PTPRK: variants seen among roughly 807,000 people sequenced by gnomAD.
The protein encoded by PTPRK is receptor-type tyrosine-protein phosphatase kappa.
In PTPRK, 75 loss-of-function variants were observed where a neutral mutation model predicts 178.0. The ratio of observed to expected loss-of-function variants is 0.42; its 90% CI spans 0.35 to 0.51. The LOEUF is 0.51. PTPRK is among the 20% of genes least tolerant of loss of function. PTPRK has a pLI of 0.02. For synonymous variants in PTPRK, 637 were observed against 620.6 expected (o/e 1.03, Z -0.39); for missense variants, 1,441 against 1,797.8 (o/e 0.80, Z 3.59).
intron 2 of PTPRK, among the ~76,000 whole-genome samples, chr6:128,384,366 A>C (rs954840163): frequency 6.8e-6 from 1 of 146,558 alleles, no homozygotes; most frequent in Non-Finnish European, 1.5e-5. Flanking sequence ...CAATACAAAG[A>C]TTTTTGGACA....
At chr6:128,008,335 T>A (rs964649485) in intron 14 of PTPRK, among the ~76,000 whole-genome samples, 9 of 21,428 alleles carry the variant, frequency 4.2e-4, no homozygotes, top group African/African-American at 7.6e-4. Context: ...CTTATAAATA[T>A]TTTTTTTAAA....
chr6:128,362,242 G>C (rs930294510), intron 2 of PTPRK, among the ~76,000 whole-genome samples: 1 of 152,102 alleles, frequency 6.6e-6, no homozygotes, highest in Admixed American at 6.6e-5. Flanking sequence ...GGGAGCAAGG[G>C]AGGAAGGAGG....
chr6:128,292,857 G>C (rs1323171588), intron 3 of PTPRK, among the ~76,000 whole-genome samples: 1 of 151,756 alleles, frequency 6.6e-6, no homozygotes, highest in Non-Finnish European at 1.5e-5. Flanking sequence ...CAACAGCTGT[G>C]GGTAATTTAT....
intron 13 of PTPRK, among the ~76,000 whole-genome samples, chr6:128,064,063 A>T (rs376236383): frequency 7.7e-4 from 117 of 152,336 alleles, no homozygotes; most frequent in African/African-American, 2.6e-3. Flanking sequence ...GTAGCAATTT[A>T]TTCTTTGTTG....
intron 3 of PTPRK, among the ~76,000 whole-genome samples, chr6:128,281,951 A>G (rs1037884898): frequency 2.0e-4 from 30 of 152,220 alleles, no homozygotes; most frequent in African/African-American, 6.8e-4. Flanking sequence ...AATTAAAGGG[A>G]AGGTAAAGAG....
At chr6:128,292,235 AG>A (rs1350775459) in intron 3 of PTPRK, among the ~76,000 whole-genome samples, 1 of 152,136 alleles carries the variant, frequency 6.6e-6, no homozygotes, top group Non-Finnish European at 1.5e-5. Flanking sequence ...AATAAGTTTT[AG>A]ATAATTCTGT....
At chr6:128,229,481 G>C (rs895674385) in intron 5 of PTPRK, among the ~76,000 whole-genome samples, 2 of 152,082 alleles carry the variant, frequency 1.3e-5, no homozygotes, top group African/African-American at 4.8e-5. Context: ...AAACGATCTA[G>C]AAATGAGTAT....
At chr6:127,970,745 A>C (rs1231121594) in intron 29 of PTPRK, among the ~76,000 whole-genome samples, 1 of 152,090 alleles carries the variant, frequency 6.6e-6, no homozygotes, top group Non-Finnish European at 1.5e-5. Context: ...AAATATAACT[A>C]TGTATATTTC....
At chr6:128,351,701 A>C (rs1833159887) in intron 2 of PTPRK, among the ~76,000 whole-genome samples, 1 of 152,212 alleles carries the variant, frequency 6.6e-6, no homozygotes, top group Non-Finnish European at 1.5e-5. Flanking sequence ...GAAATCGTGC[A>C]ATGAAACTTA....
intron 7 of PTPRK, among the ~76,000 whole-genome samples, chr6:128,099,279 G>A (rs1267083896): frequency 2.0e-5 from 3 of 151,142 alleles, no homozygotes; most frequent in African/African-American, 7.3e-5. Flanking sequence ...TAACTCCCTT[G>A]TAAATATTTT....
chr6:128,010,209 A>G (rs1317459732), intron 13 of PTPRK, among the ~76,000 whole-genome samples: 2 of 151,308 alleles, frequency 1.3e-5, no homozygotes, highest in South Asian at 2.1e-4. Flanking sequence ...AAAATTTCTC[A>G]ATGTCTCCAG....
chr6:128,110,841 G>A (rs1335302283), intron 7 of PTPRK, among the ~76,000 whole-genome samples: 1 of 152,138 alleles, frequency 6.6e-6, no homozygotes, highest in East Asian at 1.9e-4. Flanking sequence ...GCTCACATGG[G>A]TTTTCAAAAT....
At chr6:128,274,858 A>T (rs1040599184) in intron 3 of PTPRK, among the ~76,000 whole-genome samples, 1 of 152,032 alleles carries the variant, frequency 6.6e-6, no homozygotes, top group African/African-American at 2.4e-5. Context: ...GCCTCAGCTA[A>T]CCAAAAAAAC....
Position 128,035,463 on chromosome 6 carries a change from A to T in PTPRK, c.2195-26195T>A, listed in dbSNP as rs575338453. Among the ~76,000 whole-genome samples, 14 of 152,300 alleles carry T rather than the reference A, an allele frequency of 9.2e-5. No homozygotes were observed. The South Asian group carries it at 2.9e-3, about 32-fold the overall frequency. Reference sequence around the variant, plus strand: ...TACTGCCAATGTCATCTGGACACAAAACGACAACATGGTAATGATACAATA... The same window carrying T: ...TACTGCCAATGTCATCTGGACACAATACGACAACATGGTAATGATACAATA... On this transcript the variant is annotated intron_variant, in intron 13 of 29. Transcript: ENST00000368226.
At chr6:128,063,481 G>A (rs1037191289) in intron 13 of PTPRK, 2 of 152,146 alleles carry the variant, frequency 1.3e-5, no homozygotes, top group African/African-American at 4.8e-5. Context: ...AAGAACTTCA[G>A]AGGTCAATGT....
chr6:128,269,368 A>T (rs1164711260), intron 3 of PTPRK, among the ~76,000 whole-genome samples: 2 of 152,012 alleles, frequency 1.3e-5, no homozygotes, highest in African/African-American at 4.8e-5. Flanking sequence ...GACTAGATAA[A>T]ATAAAGGTAG....
chr6:128,435,380 TC>T (rs1299934696), intron 1 of PTPRK, among the ~76,000 whole-genome samples: 1 of 152,168 alleles, frequency 6.6e-6, no homozygotes, highest in African/African-American at 2.4e-5. Flanking sequence ...TTAAACAGCT[TC>T]CCCTAAACTA....
intron 3 of PTPRK, among the ~76,000 whole-genome samples, chr6:128,277,085 C>T (rs1262741071): frequency 6.6e-6 from 1 of 151,840 alleles, no homozygotes; most frequent in Non-Finnish European, 1.5e-5. Context: ...AGAATCTACT[C>T]CTTATAGCTT....
At chr6:128,416,437 C>T (rs939979467) in intron 1 of PTPRK, among the ~76,000 whole-genome samples, 9 of 150,704 alleles carry the variant, frequency 6.0e-5, no homozygotes, top group African/African-American at 2.2e-4. Flanking sequence ...GTCAGGAGAT[C>T]GAGACCATCC....
Sources: gnomAD v4.1 joint callset for allele counts (sites outside exome capture counted in the v4.1 genomes callset) on GRCh38, gnomAD v4.1.1 for gene constraint, MANE v1.5 for transcripts, NCBI Gene and HGNC (gene_info 2026-07-23, HGNC 2026-07-21) for gene names.